The following SFSWAP variants were observed in gnomAD, a reference collection of about 807,000 sequenced individuals.
The protein encoded by SFSWAP is splicing factor SWAP, also known as splicing factor, suppressor of white-apricot homolog.
A neutral mutation model predicts 100.7 loss-of-function variants in SFSWAP; 17 were observed. The ratio of observed to expected loss-of-function variants is 0.17; its 90% CI spans 0.12 to 0.25. The LOEUF (loss-of-function observed/expected upper bound fraction) is 0.25. Among genes scored for constraint, SFSWAP ranks in the 10% least tolerant of loss-of-function variants. SFSWAP has a pLI of 1.00. For synonymous variants in SFSWAP, 504 were observed against 510.1 expected (o/e 0.99, Z 0.16); for missense variants, 1,005 against 1,262.6 (o/e 0.80, Z 3.09).
At chr12:131,767,246 C>T (rs1421086867) in intron 13 of SFSWAP, among the ~76,000 whole-genome samples, 3 of 152,374 alleles carry the variant, frequency 2.0e-5, no homozygotes, top group East Asian at 1.9e-4. Flanking sequence ...ACATGCCTTC[C>T]GCAGCAGCAG....
At chr12:131,773,744 G>T (rs1466802768) in intron 13 of SFSWAP, among the ~76,000 whole-genome samples, 1 of 152,246 alleles carries the variant, frequency 6.6e-6, no homozygotes, top group Non-Finnish European at 1.5e-5. Flanking sequence ...CTGAATCTCT[G>T]CTGTGTGCTA....
In SFSWAP at chr12:131,714,480, C is replaced by T. The variant is rs898398346; in HGVS notation, c.388+240C>T. The T allele has an allele frequency of 2.0e-6, 1 of 494,440 alleles. No homozygotes were observed. Among genetic ancestry groups the T allele is most frequent in the Non-Finnish European group, 3.6e-6 (1 of 280,116 alleles). The allele number at this position is 494,440 out of a possible 1,614,324, so 30.6% of individuals were successfully genotyped here. ...GACTGGGATTTGAAAAAAACAAAAA[C>T]CAAACTCTTTAACTGTTCTTCTTTA... On this transcript the variant is annotated intron_variant, in intron 2 of 17. Coordinates refer to ENST00000261674, the MANE Select transcript of SFSWAP (RefSeq NM_004592.4). The surrounding 1 kb of genome is among the most constrained non-coding windows in gnomAD (Gnocchi z 6.0).
intron 7 of SFSWAP, among the ~76,000 whole-genome samples, chr12:131,739,076 C>T (rs1384376781): frequency 1.3e-5 from 2 of 151,654 alleles, no homozygotes; most frequent in African/African-American, 4.8e-5. Context: ...GAGGGTCTTG[C>T]TATGTTGCCC....
intron 15 of SFSWAP, among the ~76,000 whole-genome samples, chr12:131,790,287 CT>C (rs1398345600): frequency 6.6e-6 from 1 of 152,156 alleles, no homozygotes; most frequent in Non-Finnish European, 1.5e-5. Flanking sequence ...TCCCATAGTT[CT>C]TTGCATTCTT....
At chr12:131,731,222 G>T (rs563327152) in intron 7 of SFSWAP, among the ~76,000 whole-genome samples, 1 of 152,238 alleles carries the variant, frequency 6.6e-6, no homozygotes, top group African/African-American at 2.4e-5. Flanking sequence ...TGGCTGTGGC[G>T]TGGCGTTACG....
chr12:131,728,192 A>G (rs1879167723), intron 6 of SFSWAP, 101 bp from the exon 7 acceptor site: 8 of 1,359,520 alleles, frequency 5.9e-6, no homozygotes, highest in Non-Finnish European at 7.2e-6. Flanking sequence ...TGTTTTTTCT[A>G]AGGCATGTAC....
chr12:131,731,901 CTTTTTT>C (rs755819493), intron 7 of SFSWAP, among the ~76,000 whole-genome samples: 7 of 55,310 alleles, frequency 1.3e-4, no homozygotes, highest in East Asian at 7.9e-4. Context: ...TACTATTTTA[CTTTTTT>C]TTTTTTTTTT....
chr12:131,782,033 G>C (rs1471694196), intron 14 of SFSWAP, among the ~76,000 whole-genome samples: 1 of 152,186 alleles, frequency 6.6e-6, no homozygotes, highest in Non-Finnish European at 1.5e-5. Context: ...GGAGTCTGAG[G>C]ACATAAGTTA....
At chr12:131,789,935 C>T (rs1006673883) in intron 15 of SFSWAP, among the ~76,000 whole-genome samples, 4 of 152,328 alleles carry the variant, frequency 2.6e-5, no homozygotes, top group African/African-American at 9.6e-5. Flanking sequence ...GTCTCCCCAC[C>T]AGCGAGGAAT....
intron 8 of SFSWAP, 151 bp downstream of exon 8, chr12:131,753,514 C>A (rs1207792632): frequency 9.6e-7 from 1 of 1,043,028 alleles, no homozygotes; most frequent in African/African-American, 1.6e-5. Context: ...CCCCAAGTTA[C>A]AAAGTTGACA....
At chr12:131,762,196 G>A (rs1339313426) in intron 11 of SFSWAP, among the ~76,000 whole-genome samples, 1 of 152,002 alleles carries the variant, frequency 6.6e-6, no homozygotes, top group Non-Finnish European at 1.5e-5. Flanking sequence ...TCGCGCCTTT[G>A]CACTTCAGCC....
chr12:131,738,752 T>G (rs1446374773), intron 7 of SFSWAP, among the ~76,000 whole-genome samples: 1 of 152,178 alleles, frequency 6.6e-6, no homozygotes, highest in African/African-American at 2.4e-5. Context: ...TGTATCTCTC[T>G]CTTCTAGCTG....
intron 17 of SFSWAP, 139 bp from the exon 18 acceptor site, chr12:131,799,284 G>C: frequency 9.5e-7 from 1 of 1,056,926 alleles, no homozygotes; most frequent in Non-Finnish European, 1.5e-6. Flanking sequence ...CCCGCACCCT[G>C]CACAGCCAGG....
intron 15 of SFSWAP, 29 bp downstream of exon 15, chr12:131,786,617 T>C (rs1884913212): frequency 1.9e-6 from 3 of 1,574,764 alleles, no homozygotes; most frequent in Non-Finnish European, 2.6e-6. Flanking sequence ...ACGCAGGTGC[T>C]GGATGTGGGC....
In SFSWAP at chr12:131,790,738, G is replaced by A. The variant is rs144265110; in HGVS notation, c.2534+4150G>A. ...GAGTTTCTAGTACTTAACACTGCAC[G>A]AGGCACATGGACAACTGTTTGTTGA... is the stretch of plus-strand genomic sequence containing the variant. On this transcript the variant is annotated intron_variant, in intron 15 of 17. Coordinates refer to ENST00000261674, the MANE Select transcript of SFSWAP (RefSeq NM_004592.4). 4.0e-3 allele frequency among the ~76,000 whole-genome samples: 607 copies of A among 152,258 alleles called. 4 individuals carry two copies. The highest frequency in any genetic ancestry group is 0.014 in the African/African-American group (580 of 41,552).
In SFSWAP at chr12:131,754,392, C is replaced by T. The variant is rs764490974; in HGVS notation, c.1347C>T (p.Ile449=). The part of the protein sequence containing the change: ...TTSALAPVAA[I]IPPPPDVQPV... ...GTGCACTTGCCCCCGTGGCCGCCAT[C>T]ATCCCCCCGCCCCCCGACGTCCAGC... is the stretch of plus-strand genomic sequence containing the variant. The change falls in exon 9 of 18, where the codon ATC becomes ATT. Residue 449 remains isoleucine, a synonymous_variant. Transcript: ENST00000261674. 1.3e-6 allele frequency: 2 copies of T among 1,588,238 alleles called. No homozygotes were observed. The highest frequency in any genetic ancestry group is 1.9e-5 in the Admixed American group (1 of 53,040).
In SFSWAP at chr12:131,714,799, T is replaced by C. The variant is rs1223793650; in HGVS notation, c.389-23T>C. 6.2e-6 allele frequency: 10 copies of C among 1,606,746 alleles called. 1 individual carries two copies. In the South Asian group the frequency reaches 1.1e-4, roughly 18 times the overall value. On this transcript the variant is annotated intron_variant, in intron 2 of 17. Coordinates refer to ENST00000261674, the MANE Select transcript of SFSWAP (RefSeq NM_004592.4). The surrounding 1 kb of genome is among the most constrained non-coding windows in gnomAD (Gnocchi z 6.0). ...CTCAGTAATTTTCTATTTTTGTTGATAAAATTCTCATTTTTATTCAAGAGG... is the reference window on the plus strand; with the variant it reads ...CTCAGTAATTTTCTATTTTTGTTGACAAAATTCTCATTTTTATTCAAGAGG...
At chr12:131,715,343 C>T (rs750496356) in intron 3 of SFSWAP, among the ~76,000 whole-genome samples, 2 of 152,178 alleles carry the variant, frequency 1.3e-5, no homozygotes, top group Non-Finnish European at 2.9e-5. Flanking sequence ...CCATATCCCT[C>T]CACAACTGAG....
In SFSWAP at chr12:131,764,603, C is replaced by T; in HGVS notation, c.1868C>T (p.Thr623Ile). ...GAAAGTTCTAGTAGTGCTGCAAACACTAACCCAGCAGTTGCCCCACCCTGT... is the reference window on the plus strand; with the variant it reads ...GAAAGTTCTAGTAGTGCTGCAAACATTAACCCAGCAGTTGCCCCACCCTGT... ...GQESSSSAANTNPAVAPPCVV... is the reference protein window; with the variant it reads ...GQESSSSAANINPAVAPPCVV... Residue 623 changes from threonine to isoleucine, a missense_variant, in exon 12 of 18, where the codon ACT becomes ATT. Thr to Ile is a moderately conservative substitution (Grantham distance 89). This residue lies in a region of SFSWAP where 82 missense variants were observed against 131.0 expected (regional missense o/e 0.63). Transcript: ENST00000261674. 1 of 1,614,230 alleles carries T rather than the reference C, an allele frequency of 6.2e-7. No homozygotes were observed. Among genetic ancestry groups the T allele is most frequent in the Non-Finnish European group, 8.5e-7 (1 of 1,180,038 alleles).
Sources: gnomAD v4.1 joint callset for allele counts (sites outside exome capture counted in the v4.1 genomes callset) on GRCh38, gnomAD v4.1.1 for gene constraint, gnomAD v4.1.1 regional missense constraint, Gnocchi (gnomAD v3.1) non-coding constraint, MANE v1.5 for transcripts, NCBI Gene and HGNC (gene_info 2026-07-23, HGNC 2026-07-21) for gene names.